PACRG: variants seen among roughly 807,000 people sequenced by gnomAD.
PACRG encodes parkin coregulated gene protein.
In PACRG, 29 loss-of-function variants were observed where a neutral mutation model predicts 29.7. That is an observed-to-expected ratio of 0.98 (90% CI 0.73 to 1.33). The LOEUF (loss-of-function observed/expected upper bound fraction) is 1.33, where lower values mean the gene tolerates loss of function less well. PACRG is among the 40% of genes most tolerant of loss of function. The pLI, the probability that PACRG is intolerant of heterozygous loss-of-function variation, is 0.00. For missense variants in PACRG, 279 were observed against 316.2 expected, an observed-to-expected ratio of 0.88 and a Z score of 0.89; for synonymous variants, 116 against 118.7, an observed-to-expected ratio of 0.98 and a Z score of 0.15.
intron 4 of PACRG, chr6:163,112,118 C>T (rs1458845682): frequency 1.2e-6 from 1 of 811,916 alleles, no homozygotes. Flanking sequence ...GAGTAAAAAG[C>T]ACCAGGCATC....
intron 1 of PACRG, among the ~76,000 whole-genome samples, chr6:162,737,058 A>G (rs1780219258): frequency 6.6e-6 from 1 of 152,192 alleles, no homozygotes; most frequent in Non-Finnish European, 1.5e-5. Context: ...TTTCTGAAGT[A>G]GATGTACTGG....
At chr6:163,198,918 G>C (rs1292995591) in intron 4 of PACRG, among the ~76,000 whole-genome samples, 4 of 152,204 alleles carry the variant, frequency 2.6e-5, no homozygotes, top group African/African-American at 9.7e-5. Context: ...AGGACAACTT[G>C]AAGCAAAGGC....
At chr6:162,792,560 A>G (rs1460920595) in intron 1 of PACRG, among the ~76,000 whole-genome samples, 1 of 152,158 alleles carries the variant, frequency 6.6e-6, no homozygotes, top group Non-Finnish European at 1.5e-5. Context: ...TGGTCCAACT[A>G]TCTACACAGG....
At chr6:162,775,542 A>G (rs1783577314) in intron 1 of PACRG, among the ~76,000 whole-genome samples, 1 of 152,240 alleles carries the variant, frequency 6.6e-6, no homozygotes, top group South Asian at 2.1e-4. Context: ...ATAAGTAATT[A>G]TGTAATTTGT....
chr6:162,874,617 ACCCCC>A (rs775544787), intron 2 of PACRG, among the ~76,000 whole-genome samples: 1 of 152,036 alleles, frequency 6.6e-6, no homozygotes, highest in Non-Finnish European at 1.5e-5. Flanking sequence ...CCTGATGGAC[ACCCCC>A]CAATGTGGCG....
At chr6:162,727,652 A>C (rs2128243182), upstream of PACRG, 1 of 1,585,130 alleles carries the variant, frequency 6.3e-7, no homozygotes, top group Non-Finnish European at 8.6e-7. Flanking sequence ...CCTGGCAGGT[A>C]CCCACGTACC....
chr6:163,127,701 T>C (rs1027892115), intron 4 of PACRG, among the ~76,000 whole-genome samples: 1 of 152,198 alleles, frequency 6.6e-6, no homozygotes, highest in Non-Finnish European at 1.5e-5. Context: ...GAAGAAGTCT[T>C]TATCTTTACA....
chr6:163,052,089 G>A (rs551760332), intron 2 of PACRG: 6 of 152,160 alleles, frequency 3.9e-5, no homozygotes, highest in East Asian at 1.9e-4. Context: ...TGCATCACAC[G>A]TATTTGAAAA....
chr6:162,916,223 G>A (rs1337196219), intron 2 of PACRG, among the ~76,000 whole-genome samples: 1 of 152,076 alleles, frequency 6.6e-6, no homozygotes, highest in African/African-American at 2.4e-5. Context: ...ACTGTCTTAT[G>A]ACCTTCATAG....
intron 2 of PACRG, among the ~76,000 whole-genome samples, chr6:162,998,224 G>T (rs1421975025): frequency 6.6e-6 from 1 of 152,208 alleles, no homozygotes; most frequent in South Asian, 2.1e-4. Context: ...CCTGAAGGGT[G>T]CTGTCCTCTA....
chr6:162,888,031 G>T (rs1044664299), intron 2 of PACRG, among the ~76,000 whole-genome samples: 1 of 152,154 alleles, frequency 6.6e-6, no homozygotes, highest in East Asian at 1.9e-4. Context: ...TTCCAAAGAT[G>T]GTGCCTTGTT....
At chr6:162,996,016 C>T (rs1804007332) in intron 2 of PACRG, among the ~76,000 whole-genome samples, 1 of 152,082 alleles carries the variant, frequency 6.6e-6, no homozygotes, top group African/African-American at 2.4e-5. Flanking sequence ...TTTAGCTATG[C>T]AAGAAGAATA....
intron 2 of PACRG, among the ~76,000 whole-genome samples, chr6:163,011,273 C>T (rs1001634945): frequency 6.6e-5 from 10 of 152,182 alleles, no homozygotes; most frequent in Non-Finnish European, 1.3e-4. Flanking sequence ...CTTACACACA[C>T]CTGGACGGGA....
At chr6:163,059,948 A>G (rs1432265971) in intron 2 of PACRG, among the ~76,000 whole-genome samples, 1 of 152,226 alleles carries the variant, frequency 6.6e-6, no homozygotes, top group Non-Finnish European at 1.5e-5. Flanking sequence ...AACTTTATTT[A>G]TCTCTCACTA....
At chr6:162,804,505 A>C (rs1353910642) in intron 1 of PACRG, among the ~76,000 whole-genome samples, 2 of 152,188 alleles carry the variant, frequency 1.3e-5, no homozygotes, top group African/African-American at 4.8e-5. Context: ...AATAATTTTC[A>C]TACGGTTTTG....
At chr6:162,902,520 T>G (rs1795632378) in intron 2 of PACRG, among the ~76,000 whole-genome samples, 1 of 152,234 alleles carries the variant, frequency 6.6e-6, no homozygotes, top group Non-Finnish European at 1.5e-5. Context: ...TTTATCACTT[T>G]GTAGTTATGC....
chr6:162,917,753 T>G (rs1023088545), intron 2 of PACRG, among the ~76,000 whole-genome samples: 2 of 152,296 alleles, frequency 1.3e-5, no homozygotes, highest in East Asian at 1.9e-4. Flanking sequence ...CACCCACTCC[T>G]GCACATCTCC....
At chr6:162,923,935 A>T (rs927409862) in intron 2 of PACRG, among the ~76,000 whole-genome samples, 3 of 152,052 alleles carry the variant, frequency 2.0e-5, no homozygotes, top group African/African-American at 7.2e-5. Flanking sequence ...TGGTATTTTG[A>T]TAGAGATTAC....
Position 163,115,530 on chromosome 6 carries a change from C to T in PACRG, c.613+26122C>T, listed in dbSNP as rs369919564. Among the ~76,000 whole-genome samples the T allele has an allele frequency of 7.2e-5, 11 of 152,098 alleles. 1 individual carries two copies. The highest frequency in any genetic ancestry group is 2.6e-4 in the Admixed American group (4 of 15,258). ...AGGGAATTAGTCTATAGTTCCCCCA[C>T]GCCCCTACCCTAAGAGATAGTTTGT... On this transcript the variant is annotated intron_variant, in intron 4 of 4. Coordinates refer to ENST00000366888, the MANE Select transcript of PACRG (RefSeq NM_001080379.2).
Sources: allele counts gnomAD v4.1 joint callset (sites outside exome capture counted in the v4.1 genomes callset), GRCh38; gene constraint gnomAD v4.1.1; transcripts MANE v1.5; gene names NCBI Gene and HGNC (gene_info 2026-07-23, HGNC 2026-07-21).